BMAL2: variants seen among roughly 807,000 people sequenced by gnomAD.
BMAL2 encodes basic helix-loop-helix ARNT-like protein 2.
chr12:27,370,065 C>A, the BMAL2 span: 2 of 1,211,642 alleles, frequency 1.7e-6, no homozygotes, highest in Non-Finnish European at 1.2e-6. Flanking sequence ...CACTTGAGGA[C>A]AGGCTTGCTG....
chr12:27,394,870 C>T, the BMAL2 span, among the ~76,000 whole-genome samples: 2 of 152,216 alleles, frequency 1.3e-5, no homozygotes. Context: ...TGCATGAATG[C>T]AGTGAGCAAG....
chr12:27,425,110 A>G, the BMAL2 span: 64 of 152,172 alleles, frequency 4.2e-4, 1 homozygote, highest in African/African-American at 1.3e-3. Flanking sequence ...CTTCTCATAT[A>G]TTCTTGAGTT....
chr12:27,419,598 G>T, the BMAL2 span, among the ~76,000 whole-genome samples: 5,065 of 152,192 alleles, frequency 0.033, 125 homozygotes, highest in East Asian at 0.12. Flanking sequence ...AATTTTAGTG[G>T]ACAAATTCAA....
At chr12:27,348,024 A>G in the BMAL2 span, among the ~76,000 whole-genome samples, 3 of 152,238 alleles carry the variant, frequency 2.0e-5, no homozygotes, top group Non-Finnish European at 4.4e-5. Flanking sequence ...TGGTGAGGCT[A>G]GCACAGCATA....
At chr12:27,342,992 A>G in the BMAL2 span, among the ~76,000 whole-genome samples, 1 of 152,226 alleles carries the variant, frequency 6.6e-6, no homozygotes, top group African/African-American at 2.4e-5. Context: ...AGGGATGTTC[A>G]ATTCGCACCT....
chr12:27,380,159 G>A, the BMAL2 span: 3 of 1,331,680 alleles, frequency 2.3e-6, no homozygotes, highest in Non-Finnish European at 3.1e-6. Context: ...GTGCCTGCTG[G>A]GCTCAGCATC....
chr12:27,400,549 A>G, the BMAL2 span: 6 of 1,605,996 alleles, frequency 3.7e-6, no homozygotes, highest in Admixed American at 1.7e-5. Flanking sequence ...AGAAAATTCT[A>G]TACTATCCAT....
At chr12:27,395,656 A>T in the BMAL2 span, among the ~76,000 whole-genome samples, 1 of 152,190 alleles carries the variant, frequency 6.6e-6, no homozygotes, top group South Asian at 2.1e-4. Flanking sequence ...TGCAAGTTTT[A>T]CACATTTATA....
the BMAL2 span, among the ~76,000 whole-genome samples, chr12:27,404,236 A>G: frequency 2.0e-5 from 3 of 149,786 alleles, 1 homozygote; most frequent in South Asian, 6.3e-4. Context: ...TTGGAATCCA[A>G]CAGATTATAC....
At chr12:27,379,567 G>C in the BMAL2 span, among the ~76,000 whole-genome samples, 1 of 152,156 alleles carries the variant, frequency 6.6e-6, no homozygotes, top group African/African-American at 2.4e-5. Context: ...TGGAGACCAG[G>C]GGAGAATGAG....
At chr12:27,416,656 C>T in the BMAL2 span, among the ~76,000 whole-genome samples, 2 of 152,142 alleles carry the variant, frequency 1.3e-5, no homozygotes, top group African/African-American at 4.8e-5. Context: ...CAGACAGAAA[C>T]TTGAAAATAC....
At chr12:27,364,596 C>G in the BMAL2 span, among the ~76,000 whole-genome samples, 1 of 152,042 alleles carries the variant, frequency 6.6e-6, no homozygotes, top group Non-Finnish European at 1.5e-5. Context: ...TCTGATAGGA[C>G]CAGTCTTCCC....
chr12:27,419,775 C>T, the BMAL2 span, among the ~76,000 whole-genome samples: 9 of 152,064 alleles, frequency 5.9e-5, no homozygotes, highest in Non-Finnish European at 1.2e-4. Context: ...TATATACAAA[C>T]CTTTGGTTAG....
chr12:27,366,568 G>T, the BMAL2 span, among the ~76,000 whole-genome samples: 1 of 152,016 alleles, frequency 6.6e-6, no homozygotes, highest in Non-Finnish European at 1.5e-5. Context: ...AGGTTATTTT[G>T]GTTCAGTTAT....
the BMAL2 span, chr12:27,333,234 GGA>G: frequency 1.1e-6 from 1 of 883,418 alleles, no homozygotes; most frequent in Non-Finnish European, 1.3e-6. Flanking sequence ...CTCTCGGGCC[GGA>G]GCATCGCCTC....
chr12:27,382,947 T>TA, the BMAL2 span, among the ~76,000 whole-genome samples: 2 of 152,254 alleles, frequency 1.3e-5, no homozygotes, highest in African/African-American at 2.4e-5. Context: ...TATGTTTTTA[T>TA]AAAAGCCTCT....
chr12:27,408,028 C>T, the BMAL2 span, among the ~76,000 whole-genome samples: 1 of 152,078 alleles, frequency 6.6e-6, no homozygotes, highest in Non-Finnish European at 1.5e-5. Context: ...ATACAGCCTC[C>T]CAAGACTAAA....
the BMAL2 span, among the ~76,000 whole-genome samples, chr12:27,371,225 G>A: frequency 0.12 from 17,867 of 152,208 alleles, 1,376 homozygotes; most frequent in East Asian, 0.38. Context: ...GCGTATGCCT[G>A]TAATCCCAGC....
At chr12:27,380,857 G>A in the BMAL2 span, among the ~76,000 whole-genome samples, 3 of 151,568 alleles carry the variant, frequency 2.0e-5, no homozygotes, top group Admixed American at 6.6e-5. Flanking sequence ...GTGGTCTTGC[G>A]TGCTTGTAGT....
Sources: allele counts gnomAD v4.1 joint callset (sites outside exome capture counted in the v4.1 genomes callset), GRCh38; gene constraint gnomAD v4.1.1; transcripts MANE v1.5; gene names NCBI Gene and HGNC (gene_info 2026-07-23, HGNC 2026-07-21).